Variants in TBL1Y observed in about 807,000 individuals in gnomAD.
TBL1Y encodes transducin beta like 1 Y-linked, also known as F-box-like/WD repeat-containing protein TBL1Y.
Under a neutral mutation model 12.0 loss-of-function variants are expected in TBL1Y, and 15 were observed. The observed-to-expected ratio is 1.25, with a 90% confidence interval of 0.83 to 1.92. The LOEUF (loss-of-function observed/expected upper bound fraction) is 1.92. Ranked by LOEUF, TBL1Y falls within the 40% of genes most tolerant of loss-of-function variation. TBL1Y has a pLI of 0.00. For synonymous variants in TBL1Y, 53 were observed against 42.6 expected (o/e 1.24, Z -0.95); for missense variants, 148 against 116.7 (o/e 1.27, Z -1.24).
chrY:7,064,180 G>C, intron 8 of TBL1Y, 31 bp downstream of exon 8: 3 of 395,759 alleles, frequency 7.6e-6, no homozygotes, highest in African/African-American at 6.2e-5. Flanking sequence ...AGTTTGGTGG[G>C]CCTCTCTGGG....
chrY:7,076,901 T>C (rs2013064861), intron 13 of TBL1Y, among the ~76,000 whole-genome samples: 1 of 3,285 alleles, frequency 3.0e-4, no homozygotes, highest in Admixed American at 4.9e-3. Flanking sequence ...AGACTCCATC[T>C]CAAAAAAAAA....
intron 4 of TBL1Y, among the ~76,000 whole-genome samples, chrY:7,011,064 A>AGAGG (rs2012517169): frequency 2.9e-5 from 1 of 34,676 alleles, no homozygotes; most frequent in African/African-American, 1.1e-4. Context: ...AGCTTGGAAC[A>AGAGG]GAGGCTGCCT....
At chrY:6,983,405 A>G (rs2012297613) in intron 3 of TBL1Y, among the ~76,000 whole-genome samples, 1 of 33,032 alleles carries the variant, frequency 3.0e-5, no homozygotes, top group South Asian at 7.1e-4. Flanking sequence ...TGGTACATAT[A>G]TTAGTCAGAG....
chrY:7,047,937 T>C, intron 7 of TBL1Y, among the ~76,000 whole-genome samples: 1 of 30,590 alleles, frequency 3.3e-5, no homozygotes, highest in East Asian at 8.5e-4. Context: ...TTTTTTTGTA[T>C]ATTAGTAGAG....
intron 2 of TBL1Y, among the ~76,000 whole-genome samples, chrY:6,922,163 C>G (rs375423133): frequency 3.5e-4 from 12 of 33,841 alleles, no homozygotes; most frequent in African/African-American, 1.4e-3. Flanking sequence ...TCTTGCTGGC[C>G]TCAGGAGTGA....
At chrY:6,970,188 T>C in intron 2 of TBL1Y, among the ~76,000 whole-genome samples, 1 of 33,661 alleles carries the variant, frequency 3.0e-5, no homozygotes, top group Non-Finnish European at 7.4e-5. Context: ...TTCACAACTT[T>C]AGGGAGCTTG....
At chrY:7,073,953 C>T (rs1000169587) in intron 12 of TBL1Y, among the ~76,000 whole-genome samples, 8 of 33,754 alleles carry the variant, frequency 2.4e-4, no homozygotes, top group Non-Finnish European at 4.4e-4. Context: ...GGCTCTGTCC[C>T]CATTTCTAGT....
intron 14 of TBL1Y, among the ~76,000 whole-genome samples, 193 bp downstream of exon 14, chrY:7,081,046 C>T: frequency 5.9e-5 from 2 of 33,779 alleles, no homozygotes; most frequent in African/African-American, 2.3e-4. Context: ...GAACATTTGA[C>T]CTGGAAATGG....
chrY:6,919,228 A>G, intron 2 of TBL1Y: 2 of 33,238 alleles, frequency 6.0e-5, no homozygotes, highest in African/African-American at 2.4e-4. Flanking sequence ...TTTATTTTTT[A>G]AATTACCATA....
chrY:7,064,470 C>A, intron 8 of TBL1Y, among the ~76,000 whole-genome samples: 1 of 33,469 alleles, frequency 3.0e-5, no homozygotes, highest in Non-Finnish European at 7.4e-5. Context: ...TAGTCTCAGC[C>A]TCCAGCCCTC....
At chrY:6,927,666 A>G in intron 2 of TBL1Y, among the ~76,000 whole-genome samples, 2 of 33,924 alleles carry the variant, frequency 5.9e-5, no homozygotes, top group African/African-American at 1.2e-4. Context: ...TCTGTTTATA[A>G]ATCAGTCACT....
intron 8 of TBL1Y, among the ~76,000 whole-genome samples, chrY:7,066,356 ATTG>A (rs1308090704): frequency 1.3e-3 from 44 of 32,659 alleles, no homozygotes; most frequent in Admixed American, 3.6e-3. Context: ...TTTTGTTGTT[ATTG>A]TTGTTGTTGT....
intron 2 of TBL1Y, among the ~76,000 whole-genome samples, chrY:6,924,360 G>A (rs755767297): frequency 1.9e-4 from 6 of 32,041 alleles, no homozygotes; most frequent in African/African-American, 7.4e-4. Flanking sequence ...AGGCTGAGGC[G>A]GGCGGATCAC....
Position 7,003,813 on chromosome Y carries a change from G to T in TBL1Y, c.-140+7915G>T, listed in dbSNP as rs750602746. ...TGACTCCCCCTTTTTTAAAATAAGG[G>T]AGATGGGGCTTAGACTAAGACGTGT... On this transcript the variant is annotated intron_variant, in intron 4 of 18. Coordinates refer to ENST00000383032, the MANE Select transcript of TBL1Y (RefSeq NM_033284.2). Among the ~76,000 whole-genome samples, 23 of 32,647 alleles carry T rather than the reference G, an allele frequency of 7.0e-4. No homozygotes were observed. In the East Asian group the frequency reaches 0.013, roughly 18 times the overall value. 87.6% of individuals were successfully genotyped at this position (32,647 alleles called of 37,273 possible). A position where few individuals can be genotyped will look rare whatever the true frequency, so the allele number is the denominator to read the frequency against.
chrY:6,946,878 G>A, intron 2 of TBL1Y, among the ~76,000 whole-genome samples: 9 of 33,900 alleles, frequency 2.7e-4, no homozygotes. Flanking sequence ...AAGACTGGGA[G>A]GAGGGACAGA....
At chrY:6,911,444 C>A in intron 1 of TBL1Y, among the ~76,000 whole-genome samples, 1 of 34,531 alleles carries the variant, frequency 2.9e-5, no homozygotes, top group South Asian at 6.4e-4. Context: ...CGGCCTGCCC[C>A]GACCTGGGTG....
intron 5 of TBL1Y, among the ~76,000 whole-genome samples, chrY:7,023,041 T>C (rs2012590840): frequency 3.4e-5 from 1 of 29,101 alleles, no homozygotes; most frequent in African/African-American, 1.4e-4. Flanking sequence ...TAGTATGTGC[T>C]GAATTTCTCC....
chrY:7,090,804 G>A (rs1014628858), intron 18 of TBL1Y, among the ~76,000 whole-genome samples: 9 of 33,913 alleles, frequency 2.7e-4, no homozygotes, highest in African/African-American at 5.7e-4. Flanking sequence ...TGGGACTACC[G>A]TGTTCTGTGA....
At chrY:6,961,184 C>T (rs2124116701) in intron 2 of TBL1Y, among the ~76,000 whole-genome samples, 2 of 33,421 alleles carry the variant, frequency 6.0e-5, no homozygotes, top group East Asian at 8.0e-4. Flanking sequence ...TTAGCTGTAG[C>T]GGCTCCTGCA....
Sources: gnomAD v4.1 joint callset for allele counts (sites outside exome capture counted in the v4.1 genomes callset) on GRCh38, gnomAD v4.1.1 for gene constraint, MANE v1.5 for transcripts, NCBI Gene and HGNC (gene_info 2026-07-23, HGNC 2026-07-21) for gene names.